The following TBK1 variants were observed in gnomAD, a reference collection of about 807,000 sequenced individuals.
The protein encoded by TBK1 is TANK binding kinase 1, also known as serine/threonine-protein kinase TBK1.
TBK1 carries 37 observed loss-of-function variants against 99.9 expected under a neutral mutation model. The observed-to-expected ratio is 0.37, with a 90% CI of 0.28 to 0.49. TBK1 has a LOEUF of 0.49. TBK1 is among the 20% of genes least tolerant of loss of function. The pLI, the probability that TBK1 is intolerant of heterozygous loss-of-function variation, is 0.98. For synonymous variants in TBK1, 258 were observed against 279.8 expected, an observed-to-expected ratio of 0.92 and a Z score of 0.78; for missense variants, 644 against 872.5, an observed-to-expected ratio of 0.74 and a Z score of 3.30.
chr12:64,452,225 C>A (rs1291733724), intron 1 of TBK1, 38 bp downstream of exon 1: 1 of 152,216 alleles, frequency 6.6e-6, no homozygotes, highest in African/African-American at 2.4e-5. Flanking sequence ...GCCAAGGCGG[C>A]GCGGGGCGCG....
intron 20 of TBK1, among the ~76,000 whole-genome samples, chr12:64,500,188 T>C (rs999171914): frequency 2.0e-5 from 3 of 152,156 alleles, no homozygotes; most frequent in African/African-American, 7.2e-5. Context: ...GGAAGCCAGA[T>C]TTTGTTCAGA....
chr12:64,498,390 C>T (rs2040951777), intron 20 of TBK1, among the ~76,000 whole-genome samples: 1 of 152,182 alleles, frequency 6.6e-6, no homozygotes, highest in South Asian at 2.1e-4. Flanking sequence ...TTACGGGGTC[C>T]TCTGCACACC....
At chr12:64,474,112 G>T (rs1592362479) in intron 5 of TBK1, 118 bp from the exon 6 acceptor site, 1 of 979,188 alleles carries the variant, frequency 1.0e-6, no homozygotes, top group African/African-American at 1.6e-5. Flanking sequence ...TTCAGATTGG[G>T]AAAGTGAAGT....
intron 5 of TBK1, among the ~76,000 whole-genome samples, chr12:64,473,664 G>A (rs2040682567): frequency 6.6e-6 from 1 of 152,150 alleles, no homozygotes; most frequent in Admixed American, 6.5e-5. Context: ...AGTGGCTCAT[G>A]CCTGTAATCC....
chr12:64,484,555 C>T, intron 9 of TBK1, 56 bp downstream of exon 9: 1 of 1,522,100 alleles, frequency 6.6e-7, no homozygotes, highest in African/African-American at 1.4e-5. Flanking sequence ...TACAGCCAGC[C>T]TGGGCAACAT....
At chr12:64,493,243 A>G (rs960034799) in intron 13 of TBK1, among the ~76,000 whole-genome samples, 1 of 152,118 alleles carries the variant, frequency 6.6e-6, no homozygotes, top group African/African-American at 2.4e-5. Context: ...AGTAAAATTT[A>G]TAAGTAGAAA....
chr12:64,498,114 G>A lies in TBK1; in HGVS notation c.2138+75G>A, dbSNP rs118186826. ...TTCACATCTGTACTTATATCTTCCT[G>A]TATCAATAGATTCAGCAGTGGTAAA... On this transcript the variant is annotated intron_variant, in intron 20 of 20. Coordinates refer to ENST00000331710, the MANE Select transcript of TBK1 (RefSeq NM_013254.4). 2.4e-3 allele frequency: 2,968 copies of A among 1,241,740 alleles called. 77 individuals are homozygous for A. The East Asian group carries it at 0.053, about 22-fold the overall frequency. 76.9% of individuals were successfully genotyped at this position (1,241,740 alleles called of 1,614,324 possible).
At chr12:64,472,158 C>G (rs1219360164) in intron 5 of TBK1, among the ~76,000 whole-genome samples, 5 of 151,612 alleles carry the variant, frequency 3.3e-5, no homozygotes, top group Non-Finnish European at 7.4e-5. Flanking sequence ...TGTTTGGACA[C>G]TCACGTCAAT....
In TBK1 at chr12:64,480,123, G is replaced by GT; in HGVS notation, c.812+2dup. The GT allele has an allele frequency of 6.2e-7, 1 of 1,608,796 alleles. No homozygotes were observed. The highest frequency in any genetic ancestry group is 1.1e-5 in the South Asian group (1 of 90,676). On this transcript the variant is annotated splice_donor_variant, in intron 7 of 20. Coordinates refer to ENST00000331710, the MANE Select transcript of TBK1 (RefSeq NM_013254.4). LOFTEE classifies it high-confidence loss of function. The stretch of plus-strand genomic sequence containing the variant: ...TGCCTGTTTCTTGCAGTCTTTCTCG[G>GT]TAAGTATGGTGTACCTAATTCTCAT...
chr12:64,455,814 A>G, intron 1 of TBK1, 26 bp from the exon 2 acceptor site: 1 of 1,334,848 alleles, frequency 7.5e-7, no homozygotes, highest in South Asian at 1.3e-5. Context: ...CTTAAAACAT[A>G]GTTGCAAATT....
At chr12:64,465,940 T>TA (rs1332961496) in intron 4 of TBK1, among the ~76,000 whole-genome samples, 9 of 151,904 alleles carry the variant, frequency 5.9e-5, no homozygotes, top group Admixed American at 4.6e-4. Context: ...ACCTATTTTT[T>TA]AAAAAAAATA....
At chr12:64,482,964 T>C (rs901493236) in intron 8 of TBK1, among the ~76,000 whole-genome samples, 1 of 152,238 alleles carries the variant, frequency 6.6e-6, no homozygotes, top group Non-Finnish European at 1.5e-5. Flanking sequence ...CTGGTTGTGA[T>C]GCTTTGCTAT....
rs771049836 is a variant in TBK1 at position 64,488,579 on chromosome 12, C to T, written c.1433C>T (p.Thr478Ile). Residue 478 changes from threonine (T) to isoleucine (I), a missense_variant, in exon 12 of 21, where the codon ACT becomes ATT. By Grantham distance (89) the Thr-to-Ile change is moderately conservative (BLOSUM62 -1). Around this residue, in one of 3 missense-constraint regions of TBK1, gnomAD observed 465 missense variants for 588.0 expected, o/e 0.79. Transcript: ENST00000331710. Reference sequence around the variant, plus strand: ...TTCTGTATCAGAAACATTGAAAAAACTGTGAAAGTGTGAGTAGACTACTTC... The same window carrying T: ...TTCTGTATCAGAAACATTGAAAAAATTGTGAAAGTGTGAGTAGACTACTTC... ...LDFCIRNIEK[T>I]VKVYEKLMKI... The T allele has an allele frequency of 1.3e-6, 2 of 1,595,684 alleles. No individual in the cohort carries two copies. The highest frequency in any genetic ancestry group is 2.3e-5 in the East Asian group (1 of 44,394).
In TBK1 at chr12:64,495,785, A is replaced by G. The variant is rs765937091; in HGVS notation, c.1720+10A>G. On this transcript the variant is annotated intron_variant, in intron 15 of 20. Transcript: ENST00000331710. ...GACAAAGCAGAACGTAGTAAGTAAA[A>G]TTTGCTATTTGTTAATTTAATAAAT... 1 of 1,541,314 alleles carries G rather than the reference A, an allele frequency of 6.5e-7. No individual in the cohort carries two copies. Among genetic ancestry groups the G allele is most frequent in the Non-Finnish European group, 8.7e-7 (1 of 1,146,798 alleles).
chr12:64,484,521 C>A, intron 9 of TBK1, 22 bp downstream of exon 9: 2 of 1,586,678 alleles, frequency 1.3e-6, no homozygotes, highest in South Asian at 2.3e-5. Context: ...TTTTTCTTGT[C>A]GTTCTTACTA....
chr12:64,471,979 G>T (rs1408592266), intron 5 of TBK1, among the ~76,000 whole-genome samples: 1 of 152,044 alleles, frequency 6.6e-6, no homozygotes, highest in Non-Finnish European at 1.5e-5. Context: ...ATTCCAGAAG[G>T]CATCAGACAT....
chr12:64,501,588 A>G lies in TBK1; in HGVS notation c.*207A>G. The G allele has an allele frequency of 2.0e-6, 1 of 507,738 alleles. No homozygotes were observed. The highest frequency in any genetic ancestry group is 3.4e-5 in the East Asian group (1 of 29,216). The allele number at this position is 507,738 out of a possible 1,614,324, so 31.5% of individuals were successfully genotyped here. On this transcript the variant is annotated 3_prime_UTR_variant, in exon 21 of 21. Coordinates refer to ENST00000331710, the MANE Select transcript of TBK1 (RefSeq NM_013254.4). ...GTAATTTTATCTTTTAACATTTATAATTATATGAGGAAATTTGACCTCAGT... is the reference window on the plus strand; with the variant it reads ...GTAATTTTATCTTTTAACATTTATAGTTATATGAGGAAATTTGACCTCAGT...
intron 12 of TBK1, among the ~76,000 whole-genome samples, 188 bp downstream of exon 12, chr12:64,488,776 G>T (rs1006092002): frequency 6.6e-6 from 1 of 152,178 alleles, no homozygotes. Flanking sequence ...GGTGGATCAC[G>T]AGGTCAAGAA....
At chr12:64,469,248 C>T (rs1024537245) in intron 5 of TBK1, among the ~76,000 whole-genome samples, 3 of 151,906 alleles carry the variant, frequency 2.0e-5, no homozygotes, top group African/African-American at 4.8e-5. Flanking sequence ...ACGTTTCTGG[C>T]GAGTGGAATC....
Sources: gnomAD v4.1 joint callset for allele counts (sites outside exome capture counted in the v4.1 genomes callset) on GRCh38, gnomAD v4.1.1 for gene constraint, gnomAD v4.1.1 regional missense constraint, MANE v1.5 for transcripts, NCBI Gene and HGNC (gene_info 2026-07-23, HGNC 2026-07-21) for gene names.